AGBL1: variants seen among roughly 807,000 people sequenced by gnomAD.
The protein encoded by AGBL1 is cytosolic carboxypeptidase 4.
Under a neutral mutation model 118.9 loss-of-function variants are expected in AGBL1, and 130 were observed. The observed-to-expected ratio is 1.09, with a 90% CI of 0.95 to 1.26. AGBL1 has a LOEUF of 1.26. Ranked by LOEUF, AGBL1 falls within the 50% of genes most tolerant of loss-of-function variation. The probability of loss-of-function intolerance (pLI) is 0.00; values close to 1 mark genes in which losing one functional copy is unlikely to be tolerated. For synonymous variants in AGBL1, 555 were observed against 478.9 expected (o/e 1.16, Z -2.08); for missense variants, 1,584 against 1,298.1 (o/e 1.22, Z -3.38).
intron 21 of AGBL1, among the ~76,000 whole-genome samples, chr15:86,597,507 T>C (rs1391962172): frequency 6.6e-6 from 1 of 152,128 alleles, no homozygotes; most frequent in African/African-American, 2.4e-5. Flanking sequence ...AGTTTACCAG[T>C]GTACCACTAG....
chr15:86,291,713 T>A (rs2079547674), intron 16 of AGBL1, among the ~76,000 whole-genome samples: 1 of 152,162 alleles, frequency 6.6e-6, no homozygotes, highest in Non-Finnish European at 1.5e-5. Flanking sequence ...CTATCAGCCT[T>A]GGGCTTCCTT....
At chr15:86,447,603 T>C (rs1422302013) in intron 18 of AGBL1, among the ~76,000 whole-genome samples, 1 of 152,196 alleles carries the variant, frequency 6.6e-6, no homozygotes, top group Non-Finnish European at 1.5e-5. Flanking sequence ...AAGTGCCACC[T>C]GATACAAATA....
At chr15:86,646,059 T>G (rs187251656) in intron 21 of AGBL1, among the ~76,000 whole-genome samples, 1 of 152,282 alleles carries the variant, frequency 6.6e-6, no homozygotes, top group African/African-American at 2.4e-5. Context: ...CCCAGCCAGG[T>G]TGGGAGTGTA....
At chr15:86,441,510 T>C (rs528979928) in intron 18 of AGBL1, among the ~76,000 whole-genome samples, 1 of 152,168 alleles carries the variant, frequency 6.6e-6, no homozygotes, top group South Asian at 2.1e-4. Flanking sequence ...GAAGACGGTG[T>C]GAGAGTAGGG....
chr15:86,445,295 G>T (rs2142060772), intron 18 of AGBL1, among the ~76,000 whole-genome samples: 1 of 152,346 alleles, frequency 6.6e-6, no homozygotes, highest in Non-Finnish European at 1.5e-5. Context: ...GATAGCCTTT[G>T]GTGCTTACAA....
chr15:86,518,756 T>C (rs7178003), intron 18 of AGBL1, among the ~76,000 whole-genome samples: 10,019 of 151,830 alleles, frequency 0.066, 1,171 homozygotes, highest in African/African-American at 0.23. Flanking sequence ...AATAATTCAG[T>C]CTAGTTCTGG....
At position 86,915,468 on chromosome 15, in the gene AGBL1, T is replaced by A. The variant is rs1596629812; in HGVS notation, c.*8174T>A. 1 of 152,294 alleles carries A rather than the reference T, an allele frequency of 6.6e-6. No individual in the cohort carries two copies. The highest frequency in any genetic ancestry group is 1.9e-4 in the East Asian group (1 of 5,170). The allele number at this position is 152,294 out of a possible 1,614,324, so 9.4% of individuals were successfully genotyped here. A position where few individuals can be genotyped will look rare whatever the true frequency, so the allele number is the denominator to read the frequency against. ...CTCAGAAAGCACCTTACTCTTCTGTTCCCTCTTCTTCCATCCATGTGCCTA... is the reference window on the plus strand; with the variant it reads ...CTCAGAAAGCACCTTACTCTTCTGTACCCTCTTCTTCCATCCATGTGCCTA... On this transcript the variant is annotated 3_prime_UTR_variant, in exon 23 of 23. Coordinates refer to ENST00000614907, the MANE Select transcript of AGBL1 (RefSeq NM_001386094.1).
At position 86,956,539 on chromosome 15, in the gene AGBL1, G is replaced by A. The variant is rs117608346; in HGVS notation, c.3222-31448G>A. On this transcript the variant is annotated intron_variant, in intron 23 of 24. Transcript: ENST00000441037. ...AGCAAAATTTCTATTGTAGACTTGAGGCAGAATTCCTTCTTTGGGAAACAT... is the reference window on the plus strand; with the variant it reads ...AGCAAAATTTCTATTGTAGACTTGAAGCAGAATTCCTTCTTTGGGAAACAT... Among the ~76,000 whole-genome samples, 236 of 152,232 alleles carry A rather than the reference G, an allele frequency of 1.6e-3. 7 individuals are homozygous for A. In the East Asian group the frequency reaches 0.041, roughly 26 times the overall value.
intron 18 of AGBL1, among the ~76,000 whole-genome samples, chr15:86,494,899 T>G (rs765401458): frequency 2.0e-5 from 3 of 151,992 alleles, no homozygotes; most frequent in African/African-American, 7.2e-5. Context: ...TTACACTTAA[T>G]GCTAATATTT....
intron 22 of AGBL1, among the ~76,000 whole-genome samples, chr15:86,777,755 G>A (rs913105993): frequency 6.6e-6 from 1 of 152,028 alleles, no homozygotes; most frequent in African/African-American, 2.4e-5. Flanking sequence ...TTTGACAACA[G>A]CCATGTTACC....
In AGBL1 at chr15:86,489,645, C is replaced by T. The variant is rs182702946; in HGVS notation, c.2556-33165C>T. Among the ~76,000 whole-genome samples, 184 of 152,194 alleles carry T rather than the reference C, an allele frequency of 1.2e-3. 2 individuals are homozygous for T. The highest frequency in any genetic ancestry group is 4.2e-3 in the African/African-American group (174 of 41,552). ...CCTATTTTGGTAAATAAAGTTTTGTCAGAACACAGCCATACTTGTTCATGT... is the reference window on the plus strand; with the variant it reads ...CCTATTTTGGTAAATAAAGTTTTGTTAGAACACAGCCATACTTGTTCATGT... On this transcript the variant is annotated intron_variant, in intron 18 of 22. Coordinates refer to ENST00000614907, the MANE Select transcript of AGBL1 (RefSeq NM_001386094.1).
chr15:86,472,632 G>T (rs1051963480), intron 18 of AGBL1, among the ~76,000 whole-genome samples: 3 of 152,188 alleles, frequency 2.0e-5, no homozygotes, highest in Non-Finnish European at 2.9e-5. Context: ...AAAAATAATA[G>T]AATAGATTGG....
intron 4 of AGBL1, among the ~76,000 whole-genome samples, chr15:86,155,604 G>A (rs1212992775): frequency 1.3e-5 from 2 of 152,136 alleles, no homozygotes; most frequent in Non-Finnish European, 2.9e-5. Flanking sequence ...GATATGTAAT[G>A]AGCATAGACT....
intron 4 of AGBL1, among the ~76,000 whole-genome samples, chr15:86,157,109 T>C (rs1182434998): frequency 6.6e-6 from 1 of 152,104 alleles, no homozygotes; most frequent in Non-Finnish European, 1.5e-5. Flanking sequence ...TGATTTTCAT[T>C]GGTAAATTCT....
At chr15:86,261,977 A>G (rs139717563) in intron 9 of AGBL1, among the ~76,000 whole-genome samples, 139 of 151,548 alleles carry the variant, frequency 9.2e-4, no homozygotes, top group Non-Finnish European at 1.3e-3. Context: ...ATCTCCTGCA[A>G]TCTTCCTCTT....
intron 22 of AGBL1, among the ~76,000 whole-genome samples, chr15:86,681,554 A>C (rs1484017280): frequency 6.6e-6 from 1 of 152,108 alleles, no homozygotes; most frequent in Non-Finnish European, 1.5e-5. Context: ...CACCACCTCT[A>C]GGTTGTGCTT....
intron 5 of AGBL1, among the ~76,000 whole-genome samples, chr15:86,191,990 A>C (rs1258887861): frequency 1.3e-5 from 2 of 151,292 alleles, no homozygotes; most frequent in Non-Finnish European, 2.9e-5. Flanking sequence ...AGTACCAGCT[A>C]CTTAGGAGGC....
At chr15:86,153,817 C>T (rs1707068376) in intron 3 of AGBL1, among the ~76,000 whole-genome samples, 1 of 152,002 alleles carries the variant, frequency 6.6e-6, no homozygotes, top group African/African-American at 2.4e-5. Context: ...TTTTCTTCAC[C>T]TATTTATTTT....
intron 22 of AGBL1, among the ~76,000 whole-genome samples, chr15:86,785,515 C>T (rs1391775999): frequency 6.6e-6 from 1 of 151,936 alleles, no homozygotes; most frequent in Non-Finnish European, 1.5e-5. Flanking sequence ...GCTAGGACTA[C>T]AGGCGCACAT....
Sources: allele counts gnomAD v4.1 joint callset (sites outside exome capture counted in the v4.1 genomes callset), GRCh38; gene constraint gnomAD v4.1.1; transcripts MANE v1.5; gene names NCBI Gene and HGNC (gene_info 2026-07-23, HGNC 2026-07-21).